The following FAM20A variants were observed in gnomAD, a reference collection of about 807,000 sequenced individuals.
FAM20A encodes the protein pseudokinase FAM20A.
FAM20A carries 42 observed loss-of-function variants against 52.0 expected under a neutral mutation model. The observed-to-expected ratio is 0.81, with a 90% CI of 0.63 to 1.04. The LOEUF (loss-of-function observed/expected upper bound fraction) is 1.04. FAM20A is among the 50% of genes least tolerant of loss of function. The pLI, the probability that FAM20A is intolerant of heterozygous loss-of-function variation, is 0.00. For missense variants in FAM20A, 742 were observed against 712.7 expected (o/e 1.04, Z -0.47); for synonymous variants, 304 against 298.9 (o/e 1.02, Z -0.18).
chr17:68,552,237 A>G (rs2086870055), intron 3 of FAM20A, among the ~76,000 whole-genome samples: 1 of 151,318 alleles, frequency 6.6e-6, no homozygotes, highest in Non-Finnish European at 1.5e-5. Context: ...TGAGACCTCC[A>G]TTTTGAAAAA....
At chr17:68,554,937 G>C (rs1180010008) in intron 2 of FAM20A, 110 bp from the exon 3 acceptor site, 7 of 1,147,500 alleles carry the variant, frequency 6.1e-6, no homozygotes, top group Non-Finnish European at 7.8e-6. Context: ...AGACTGTGAT[G>C]TAGCCTGGGG....
At position 68,584,685 on chromosome 17, in the gene FAM20A, G is replaced by A. The variant is rs77876590; in HGVS notation, c.404+15578C>T. Among the ~76,000 whole-genome samples the A allele has an allele frequency of 2.6e-3, 400 of 152,320 alleles. 5 individuals are homozygous for A. The highest frequency in any genetic ancestry group is 9.3e-3 in the African/African-American group (385 of 41,572). On this transcript the variant is annotated intron_variant, in intron 1 of 10. Coordinates refer to ENST00000592554, the MANE Select transcript of FAM20A (RefSeq NM_017565.4). ...GGGCATAGCATCTCCTGCCAGGAGA[G>A]GGAGGAAGAAGCATTTTCTTATATG...
chr17:68,593,753 A>G (rs1435755408), intron 1 of FAM20A, among the ~76,000 whole-genome samples: 2 of 152,270 alleles, frequency 1.3e-5, no homozygotes, highest in African/African-American at 4.8e-5. Context: ...GACCAGGGCA[A>G]GCTGGGGGCT....
At chr17:68,540,820 C>G in intron 8 of FAM20A, 29 bp downstream of exon 8, 2 of 1,572,044 alleles carry the variant, frequency 1.3e-6, no homozygotes, top group Non-Finnish European at 8.6e-7. Flanking sequence ...GAGCCCACTT[C>G]TGCTGGGGGC....
intron 1 of FAM20A, among the ~76,000 whole-genome samples, chr17:68,571,444 C>T (rs1345989073): frequency 6.6e-6 from 1 of 152,174 alleles, no homozygotes; most frequent in Admixed American, 6.5e-5. Flanking sequence ...GGAAGAAAAT[C>T]CCTTGGACAC....
chr17:68,554,125 C>CAT (rs2086985953), intron 3 of FAM20A, among the ~76,000 whole-genome samples: 1 of 135,556 alleles, frequency 7.4e-6, no homozygotes, highest in East Asian at 2.0e-4. Flanking sequence ...TGTATACACA[C>CAT]ACATATATAT....
chr17:68,600,690 C>CG lies in FAM20A; in HGVS notation c.-25dup. The CG allele has an allele frequency of 1.3e-6, 2 of 1,529,470 alleles. No homozygotes were observed. Among genetic ancestry groups the CG allele is most frequent in the East Asian group, 2.5e-5 (1 of 40,578 alleles). 94.7% of individuals were successfully genotyped at this position (1,529,470 alleles called of 1,614,324 possible). ...ATGGCGTGCTGGCCAAGGGGGACGCCGGGGGCAGGCCGGCTGTCTCCGGGG... is the reference window on the plus strand; with the variant it reads ...ATGGCGTGCTGGCCAAGGGGGACGCCGGGGGGCAGGCCGGCTGTCTCCGGGG... On this transcript the variant is annotated 5_prime_UTR_variant, in exon 1 of 11. Transcript: ENST00000592554. This position sits in a 1 kb window ranked among gnomAD's most constrained non-coding sequence, Gnocchi z 6.2.
rs753503901 is a variant in FAM20A at position 68,555,698 on chromosome 17, G to T, written c.450C>A (p.Asp150Glu). ...YREQMNLTSL[D>E]PPLQLRLEAS... ...CCTCGAGTCGGAGCTGCAGTGGGGG[G>T]TCCAGGGAGGTAAGGTTCATCTGCT... Residue 150 changes from aspartate (D) to glutamate (E), a missense_variant, in exon 2 of 11, where the codon GAC (aspartate) becomes GAA (glutamate). Asp to Glu is a conservative substitution (Grantham distance 45, BLOSUM62 2). Coordinates refer to ENST00000592554, the MANE Select transcript of FAM20A (RefSeq NM_017565.4). The T allele has an allele frequency of 1.2e-6, 2 of 1,613,968 alleles. No individual in the cohort carries two copies. Among genetic ancestry groups the T allele is most frequent in the African/African-American group, 2.7e-5 (2 of 75,036 alleles).
rs532347766 is a variant in FAM20A, at chr17:68,541,971, G to T, written c.1109+14C>A. 1 of 1,610,562 alleles carries T rather than the reference G, an allele frequency of 6.2e-7. No homozygotes were observed. Among genetic ancestry groups the T allele is most frequent in the East Asian group, 2.2e-5 (1 of 44,846 alleles). On this transcript the variant is annotated intron_variant, in intron 7 of 10. Coordinates refer to ENST00000592554, the MANE Select transcript of FAM20A (RefSeq NM_017565.4). ...TGTCAAGGACTGGGCTGTGTGGCCT[G>T]GGGACCAACTCACTCCTCTTTTCCT...
At chr17:68,544,494 G>A (rs530341918) in intron 4 of FAM20A, among the ~76,000 whole-genome samples, 46 of 152,070 alleles carry the variant, frequency 3.0e-4, no homozygotes, top group Admixed American at 1.3e-3. Flanking sequence ...GATGATCTTC[G>A]AATAATTTTA....
intron 3 of FAM20A, among the ~76,000 whole-genome samples, chr17:68,554,061 TACACACATATACAC>T (rs2086979099): frequency 1.8e-5 from 2 of 112,438 alleles, no homozygotes; most frequent in Non-Finnish European, 3.8e-5. Context: ...TATACACATA[TACACACATATACAC>T]ACATATATAC....
intron 1 of FAM20A, among the ~76,000 whole-genome samples, chr17:68,573,385 T>C (rs1293185945): frequency 2.0e-5 from 3 of 152,352 alleles, no homozygotes; most frequent in East Asian, 3.9e-4. Context: ...TACTTGAAAC[T>C]GGGCAATTTA....
In FAM20A at chr17:68,600,384, G is replaced by C; in HGVS notation, c.283C>G (p.Leu95Val). The stretch of plus-strand genomic sequence containing the variant: ...ACGTTGTACAGCGGGTGGGCGAAGA[G>C]GGCCTGCAACTTGGAGCTCGACCCG... ...HSGSSSKLQA[L>V]FAHPLYNVPE... Residue 95 changes from leucine (L) to valine (V), a missense_variant, in exon 1 of 11, where the codon CTC becomes GTC. Physicochemically the swap from Leu to Val is conservative, Grantham distance 32. Transcript: ENST00000592554. This position sits in a 1 kb window ranked among gnomAD's most constrained non-coding sequence, Gnocchi z 6.2. The C allele has an allele frequency of 1.2e-6, 2 of 1,608,008 alleles. No homozygotes were observed.
intron 4 of FAM20A, 136 bp downstream of exon 4, chr17:68,551,737 A>C (rs1473756572): frequency 3.4e-6 from 2 of 591,776 alleles, no homozygotes; most frequent in Non-Finnish European, 6.4e-6. Context: ...CACCCCAAAC[A>C]GTTCTGTGCT....
At chr17:68,578,541 A>C (rs59183747) in intron 1 of FAM20A, among the ~76,000 whole-genome samples, 28,949 of 152,016 alleles carry the variant, frequency 0.19, 2,911 homozygotes, top group East Asian at 0.34. Flanking sequence ...TTGAGATATT[A>C]ATGTGTTTTT....
chr17:68,540,106 T>C (rs2143464549), intron 8 of FAM20A, 140 bp from the exon 9 acceptor site: 1 of 744,574 alleles, frequency 1.3e-6, no homozygotes, highest in Middle Eastern at 2.9e-4. Context: ...CACACTGTCA[T>C]TTCCTCAGGG....
In FAM20A at chr17:68,536,184, T is replaced by A. The variant is rs1190542101; in HGVS notation, c.*1293A>T. 1.5e-5 allele frequency: 7 copies of A among 454,012 alleles called. No individual in the cohort carries two copies. The Admixed American group carries it at 1.6e-4, about 11-fold the overall frequency. 28.1% of individuals were successfully genotyped at this position (454,012 alleles called of 1,614,324 possible). On this transcript the variant is annotated 3_prime_UTR_variant, in exon 11 of 11. Coordinates refer to ENST00000592554, the MANE Select transcript of FAM20A (RefSeq NM_017565.4). ...ATCTTTGCTCACACTGCAGAAAGCTTGGAGACATTTCTGGTTCTTGACCTT... is the reference window on the plus strand; with the variant it reads ...ATCTTTGCTCACACTGCAGAAAGCTAGGAGACATTTCTGGTTCTTGACCTT...
chr17:68,563,796 T>C (rs2087294170), intron 1 of FAM20A, among the ~76,000 whole-genome samples: 1 of 152,184 alleles, frequency 6.6e-6, no homozygotes, highest in Admixed American at 6.5e-5. Context: ...ATATCAGTCT[T>C]CACCTACAGA....
chr17:68,555,527 A>G, intron 2 of FAM20A, 32 bp downstream of exon 2: 1 of 1,610,868 alleles, frequency 6.2e-7, no homozygotes, highest in Non-Finnish European at 8.5e-7. Flanking sequence ...GGAGAAAGTC[A>G]GTCCCCCCTT....
Sources: gnomAD v4.1 joint callset for allele counts (sites outside exome capture counted in the v4.1 genomes callset) on GRCh38, gnomAD v4.1.1 for gene constraint, Gnocchi (gnomAD v3.1) non-coding constraint, MANE v1.5 for transcripts, NCBI Gene and HGNC (gene_info 2026-07-23, HGNC 2026-07-21) for gene names.